Variants in PPP3CA observed in about 807,000 individuals in gnomAD.
The protein encoded by PPP3CA is protein phosphatase 3 catalytic subunit alpha, also known as CAM-PRP catalytic subunit.
PPP3CA carries 14 observed loss-of-function variants against 66.5 expected under a neutral mutation model. The observed-to-expected ratio is 0.21, with a 90% confidence interval of 0.14 to 0.33. The LOEUF (loss-of-function observed/expected upper bound fraction) is 0.33. PPP3CA is among the 10% of genes least tolerant of loss of function. The pLI, the probability that PPP3CA is intolerant of heterozygous loss-of-function variation, is 1.00. For missense variants in PPP3CA, 317 were observed against 639.5 expected, an observed-to-expected ratio of 0.50 and a Z score of 5.44; for synonymous variants, 232 against 226.2, an observed-to-expected ratio of 1.03 and a Z score of -0.23.
intron 1 of PPP3CA, among the ~76,000 whole-genome samples, chr4:101,211,981 T>C (rs1005964286): frequency 6.6e-6 from 1 of 152,154 alleles, no homozygotes; most frequent in Non-Finnish European, 1.5e-5. Context: ...CAGTAAGTAA[T>C]ACCTACTAAA....
intron 1 of PPP3CA, among the ~76,000 whole-genome samples, chr4:101,280,304 T>C (rs1372207939): frequency 6.6e-6 from 1 of 152,202 alleles, no homozygotes; most frequent in Non-Finnish European, 1.5e-5. Context: ...GAGAAAAGCA[T>C]GGCAAACAGA....
intron 2 of PPP3CA, among the ~76,000 whole-genome samples, chr4:101,155,542 G>A (rs1723291424): frequency 6.6e-6 from 1 of 152,202 alleles, no homozygotes; most frequent in Non-Finnish European, 1.5e-5. Flanking sequence ...AGGGTAGCTA[G>A]CCTTTAAACT....
intron 1 of PPP3CA, among the ~76,000 whole-genome samples, chr4:101,227,933 G>A (rs959164759): frequency 4.6e-5 from 7 of 151,558 alleles, no homozygotes; most frequent in Non-Finnish European, 3.0e-5. Context: ...AGTATTCCAT[G>A]GTGTTTATTT....
intron 10 of PPP3CA, among the ~76,000 whole-genome samples, chr4:101,054,744 T>C (rs1020518933): frequency 6.6e-5 from 10 of 152,000 alleles, no homozygotes; most frequent in African/African-American, 1.2e-4. Context: ...AATTTTCTGG[T>C]ATAGGACATA....
intron 1 of PPP3CA, among the ~76,000 whole-genome samples, chr4:101,204,772 C>T (rs3804366): frequency 0.24 from 36,602 of 151,136 alleles, 6,821 homozygotes; most frequent in African/African-American, 0.51. Context: ...ATATATGCTA[C>T]TGAATGTTTA....
chr4:101,320,104 A>ATAT (rs1196843233), intron 1 of PPP3CA, among the ~76,000 whole-genome samples: 1 of 152,124 alleles, frequency 6.6e-6, no homozygotes, highest in East Asian at 1.9e-4. Flanking sequence ...GTATCAGGTA[A>ATAT]TATTATTCTA....
At chr4:101,283,622 C>T (rs1189483099) in intron 1 of PPP3CA, among the ~76,000 whole-genome samples, 1 of 152,184 alleles carries the variant, frequency 6.6e-6, no homozygotes, top group East Asian at 1.9e-4. Context: ...GGCTCCACTT[C>T]CTCCTTCCCT....
intron 1 of PPP3CA, among the ~76,000 whole-genome samples, chr4:101,299,448 T>C (rs1054067036): frequency 2.0e-5 from 3 of 151,604 alleles, no homozygotes; most frequent in Non-Finnish European, 4.4e-5. Flanking sequence ...TCTTGAACAA[T>C]CCTCCCACCT....
rs191725860 is a variant in PPP3CA at position 101,313,204 on chromosome 4, T to C, written c.58+33535A>G. Reference sequence around the variant, plus strand: ...TTCTTGAAGGGTCTTTTTTTCTTTTTCTTTTTGAGATGAGAGCTCACCATG... The same window carrying C: ...TTCTTGAAGGGTCTTTTTTTCTTTTCCTTTTTGAGATGAGAGCTCACCATG... On this transcript the variant is annotated intron_variant, in intron 1 of 13. Coordinates refer to ENST00000394854, the MANE Select transcript of PPP3CA (RefSeq NM_000944.5). Among the ~76,000 whole-genome samples the C allele has an allele frequency of 2.4e-3, 362 of 152,258 alleles. 3 individuals carry two copies. The highest frequency in any genetic ancestry group is 4.5e-3 in the Admixed American group (69 of 15,294).
At chr4:101,205,739 C>G (rs935346505) in intron 1 of PPP3CA, among the ~76,000 whole-genome samples, 1 of 152,170 alleles carries the variant, frequency 6.6e-6, no homozygotes, top group Non-Finnish European at 1.5e-5. Context: ...ACTTTCTCTT[C>G]TTTCAAAGGG....
rs116511862 is a variant in PPP3CA at position 101,298,033 on chromosome 4, C to T, written c.58+48706G>A. Among the ~76,000 whole-genome samples, 964 of 152,170 alleles carry T rather than the reference C, an allele frequency of 6.3e-3. 7 individuals carry two copies. The highest frequency in any genetic ancestry group is 0.022 in the African/African-American group (933 of 41,502). On this transcript the variant is annotated intron_variant, in intron 1 of 13. Coordinates refer to ENST00000394854, the MANE Select transcript of PPP3CA (RefSeq NM_000944.5). ...ATTTGTGTCCCCTGGAAAATTCTCA[C>T]GCGGCTTTCTCAGTGGGAATAGGCA...
At chr4:101,105,311 C>T (rs905687209) in intron 3 of PPP3CA, among the ~76,000 whole-genome samples, 8 of 151,482 alleles carry the variant, frequency 5.3e-5, no homozygotes, top group African/African-American at 9.7e-5. Flanking sequence ...GGACTACAGG[C>T]GCATGCCACC....
At chr4:101,286,918 G>A (rs1050375131) in intron 1 of PPP3CA, among the ~76,000 whole-genome samples, 1 of 151,902 alleles carries the variant, frequency 6.6e-6, no homozygotes, top group African/African-American at 2.4e-5. Context: ...CAGCAGCCCA[G>A]GATCAGTTTT....
intron 1 of PPP3CA, among the ~76,000 whole-genome samples, chr4:101,309,335 T>C (rs1165082910): frequency 2.0e-5 from 3 of 152,164 alleles, no homozygotes; most frequent in Non-Finnish European, 4.4e-5. Context: ...TATTATAAAA[T>C]GACAAAGCTT....
At chr4:101,084,781 A>C (rs1053489066) in intron 6 of PPP3CA, among the ~76,000 whole-genome samples, 4 of 152,208 alleles carry the variant, frequency 2.6e-5, no homozygotes, top group Non-Finnish European at 5.9e-5. Context: ...TTGTAAGAGA[A>C]AGGGAGAAAA....
intron 2 of PPP3CA, among the ~76,000 whole-genome samples, chr4:101,119,194 T>A (rs1721944632): frequency 6.6e-6 from 1 of 151,962 alleles, no homozygotes; most frequent in Non-Finnish European, 1.5e-5. Flanking sequence ...TTTTCCACAT[T>A]TTATCCAAAT....
rs1730050467 is a variant in PPP3CA at position 101,347,342 on chromosome 4, C to CGCTGCCGCTGTT, written c.-558_-547dup. 4.9e-6 allele frequency: 1 copy of CGCTGCCGCTGTT among 203,910 alleles called. No individual in the cohort carries two copies. The highest frequency in any genetic ancestry group is 9.7e-6 in the Non-Finnish European group (1 of 102,992). The allele number at this position is 203,910 out of a possible 1,614,324, so 12.6% of individuals were successfully genotyped here. On this transcript the variant is annotated 5_prime_UTR_variant, in exon 1 of 14. Transcript: ENST00000394854. ...CCGCCGCTGCTGCCGCTGCTGCTGC[C>CGCTGCCGCTGTT]GCTGCCGCTGTTGCTGCTGCCGCTG...
intron 1 of PPP3CA, among the ~76,000 whole-genome samples, chr4:101,259,028 T>A (rs1726928980): frequency 6.6e-6 from 1 of 152,146 alleles, no homozygotes; most frequent in African/African-American, 2.4e-5. Context: ...TCTGGGTTTC[T>A]CCATCTACCA....
At chr4:101,070,645 T>C (rs1728877075) in intron 8 of PPP3CA, among the ~76,000 whole-genome samples, 1 of 152,236 alleles carries the variant, frequency 6.6e-6, no homozygotes, top group Non-Finnish European at 1.5e-5. Context: ...ATGATTAATA[T>C]GCATAATAAT....
Sources: gnomAD v4.1 joint callset for allele counts (sites outside exome capture counted in the v4.1 genomes callset) on GRCh38, gnomAD v4.1.1 for gene constraint, MANE v1.5 for transcripts, NCBI Gene and HGNC (gene_info 2026-07-23, HGNC 2026-07-21) for gene names.